The following THRB variants were observed in gnomAD, a reference collection of about 807,000 sequenced individuals.
THRB encodes the protein nuclear receptor subfamily 1 group A member 2.
THRB carries 12 observed loss-of-function variants against 47.8 expected under a neutral mutation model. That is an observed-to-expected ratio of 0.25 (90% CI 0.16 to 0.41). The LOEUF (loss-of-function observed/expected upper bound fraction) is 0.41, where lower values mean the gene tolerates loss of function less well. Among genes scored for constraint, THRB ranks in the 10% least tolerant of loss-of-function variants. The pLI is 1.00. For synonymous variants in THRB, 218 were observed against 212.2 expected (o/e 1.03, Z -0.24); for missense variants, 348 against 589.2 (o/e 0.59, Z 4.24).
chr3:24,210,410 GTT>G (rs1018857127), intron 4 of THRB, among the ~76,000 whole-genome samples: 1 of 141,518 alleles, frequency 7.1e-6, no homozygotes. Context: ...TTATTTGTTT[GTT>G]TTTTTTTTTT....
chr3:24,127,814 C>A, intron 9 of THRB, 57 bp from the exon 10 acceptor site: 1 of 1,579,506 alleles, frequency 6.3e-7, no homozygotes. Flanking sequence ...CAGTCAGGAA[C>A]AACATACAGT....
At chr3:24,257,045 C>T (rs1576351417) in intron 3 of THRB, among the ~76,000 whole-genome samples, 1 of 152,098 alleles carries the variant, frequency 6.6e-6, no homozygotes, top group Admixed American at 6.5e-5. Flanking sequence ...ATAGCTGTAA[C>T]TTGTCATGTG....
chr3:24,185,893 A>C (rs2042509650), intron 5 of THRB, among the ~76,000 whole-genome samples: 2 of 152,168 alleles, frequency 1.3e-5, no homozygotes. Flanking sequence ...TCAGGGCCCC[A>C]GTCAAACAGT....
At chr3:24,383,935 A>G (rs529253249) in intron 1 of THRB, among the ~76,000 whole-genome samples, 1 of 152,264 alleles carries the variant, frequency 6.6e-6, no homozygotes, top group East Asian at 1.9e-4. Flanking sequence ...GCTCCTACCA[A>G]CAATTCAAGA....
chr3:24,184,804 G>A (rs2042366501), intron 5 of THRB, among the ~76,000 whole-genome samples: 1 of 152,178 alleles, frequency 6.6e-6, no homozygotes, highest in African/African-American at 2.4e-5. Flanking sequence ...AGCAGAGATG[G>A]ATGGAGCAGA....
chr3:24,450,273 C>T (rs2072517109), intron 1 of THRB, among the ~76,000 whole-genome samples: 1 of 152,166 alleles, frequency 6.6e-6, no homozygotes, highest in Non-Finnish European at 1.5e-5. Context: ...AAGGACTACA[C>T]ACTCAAAAAG....
In THRB at chr3:24,124,417, T is replaced by C. The variant is rs529626459; in HGVS notation, c.1145-1292A>G. Among the ~76,000 whole-genome samples, 7 of 152,324 alleles carry C rather than the reference T, an allele frequency of 4.6e-5. No homozygotes were observed. The East Asian group carries it at 1.3e-3, about 29-fold the overall frequency. On this transcript the variant is annotated intron_variant, in intron 10 of 10. Coordinates refer to ENST00000646209, the MANE Select transcript of THRB (RefSeq NM_001354712.2). ...ATTTTCCACAGGATCCTTTAATTTT[T>C]GACCCAAATAGAAGATCAACATATT...
At chr3:24,350,467 C>G (rs560799924) in intron 1 of THRB, among the ~76,000 whole-genome samples, 1 of 152,092 alleles carries the variant, frequency 6.6e-6, no homozygotes. Context: ...AATAGTAGAA[C>G]AGATTAAAAC....
At chr3:24,140,628 T>G (rs890821141) in intron 8 of THRB, among the ~76,000 whole-genome samples, 1 of 152,100 alleles carries the variant, frequency 6.6e-6, no homozygotes, top group African/African-American at 2.4e-5. Flanking sequence ...GTGGCTTCCC[T>G]CCCCCAAGGT....
intron 3 of THRB, among the ~76,000 whole-genome samples, chr3:24,284,538 A>G (rs1576545306): frequency 6.6e-6 from 1 of 151,970 alleles, no homozygotes; most frequent in African/African-American, 2.4e-5. Context: ...CTTCATGTCT[A>G]AAACACCAAA....
intron 4 of THRB, among the ~76,000 whole-genome samples, chr3:24,213,585 A>G (rs918279317): frequency 1.3e-5 from 2 of 152,210 alleles, no homozygotes; most frequent in Non-Finnish European, 2.9e-5. Context: ...GGAGACGACA[A>G]TACAATCAGA....
chr3:24,334,822 G>T (rs1326747503), intron 2 of THRB, among the ~76,000 whole-genome samples: 1 of 152,324 alleles, frequency 6.6e-6, no homozygotes, highest in South Asian at 2.1e-4. Flanking sequence ...GAATGTGCCA[G>T]ACCTGGACCA....
At chr3:24,177,092 A>G (rs941835212) in intron 5 of THRB, among the ~76,000 whole-genome samples, 1 of 152,186 alleles carries the variant, frequency 6.6e-6, no homozygotes, top group Admixed American at 6.5e-5. Context: ...ATGGAGATAC[A>G]CTATAGAAGG....
chr3:24,235,901 G>A (rs548203679), intron 3 of THRB, among the ~76,000 whole-genome samples: 13 of 152,274 alleles, frequency 8.5e-5, no homozygotes, highest in Admixed American at 3.9e-4. Flanking sequence ...TTTTTATGAA[G>A]TTTATTTGGT....
At chr3:24,219,137 T>C (rs1324370950) in intron 4 of THRB, among the ~76,000 whole-genome samples, 1 of 151,520 alleles carries the variant, frequency 6.6e-6, no homozygotes, top group Non-Finnish European at 1.5e-5. Context: ...TTTAGCTGAG[T>C]GTGGTGGTGT....
intron 2 of THRB, among the ~76,000 whole-genome samples, chr3:24,313,196 G>A (rs2057876500): frequency 6.6e-6 from 1 of 152,120 alleles, no homozygotes; most frequent in Non-Finnish European, 1.5e-5. Context: ...CTCCATGAAA[G>A]CTGTCATCAG....
chr3:24,430,558 C>T (rs1010163), intron 1 of THRB, among the ~76,000 whole-genome samples: 33,694 of 151,558 alleles, frequency 0.22, 4,274 homozygotes, highest in African/African-American at 0.34. Flanking sequence ...ACCTAAAATG[C>T]TAAAGATAGT....
chr3:24,363,320 G>T (rs2149671175), intron 1 of THRB, among the ~76,000 whole-genome samples: 1 of 152,228 alleles, frequency 6.6e-6, no homozygotes, highest in African/African-American at 2.4e-5. Flanking sequence ...AAAGGCTTCT[G>T]CAGAAAGCTC....
intron 1 of THRB, among the ~76,000 whole-genome samples, chr3:24,440,981 C>T (rs1015318021): frequency 2.6e-5 from 4 of 152,218 alleles, no homozygotes; most frequent in Non-Finnish European, 4.4e-5. Flanking sequence ...TCTCACCAGG[C>T]TGAAATCAAG....
Sources: gnomAD v4.1 joint callset for allele counts (sites outside exome capture counted in the v4.1 genomes callset) on GRCh38, gnomAD v4.1.1 for gene constraint, MANE v1.5 for transcripts, NCBI Gene and HGNC (gene_info 2026-07-23, HGNC 2026-07-21) for gene names.